AMMECR1: variants seen among roughly 807,000 people sequenced by gnomAD.
AMMECR1 encodes the protein nuclear protein AMMECR1.
In AMMECR1, 3 loss-of-function variants were observed where a neutral mutation model predicts 22.5. The ratio of observed to expected loss-of-function variants is 0.13; its 90% CI spans 0.06 to 0.35. The LOEUF (loss-of-function observed/expected upper bound fraction) is 0.35. AMMECR1 is among the 10% of genes least tolerant of loss of function. The pLI, the probability that AMMECR1 is intolerant of heterozygous loss-of-function variation, is 1.00. For synonymous variants in AMMECR1, 130 were observed against 116.7 expected (o/e 1.11, Z -0.74); for missense variants, 235 against 278.7 (o/e 0.84, Z 1.12).
chrX:110,348,502 C>T (rs1351189483), intron 2 of AMMECR1, among the ~76,000 whole-genome samples: 3 of 112,041 alleles, frequency 2.7e-5, no homozygotes, highest in African/African-American at 9.7e-5. Flanking sequence ...TAAACACAGG[C>T]TTTGAGAGAA....
chrX:110,302,353 TG>T (rs1490793148), intron 1 of AMMECR1, among the ~76,000 whole-genome samples: 1 of 110,653 alleles, frequency 9.0e-6, no homozygotes, highest in Non-Finnish European at 1.9e-5. Context: ...AAAAAAAACT[TG>T]GAAGTCATAA....
intron 2 of AMMECR1, among the ~76,000 whole-genome samples, chrX:110,375,121 T>C (rs2068367406): frequency 9.0e-6 from 1 of 111,433 alleles, no homozygotes; most frequent in Non-Finnish European, 1.9e-5. Context: ...GGTGACTTGA[T>C]GTTAAACTGC....
intron 2 of AMMECR1, among the ~76,000 whole-genome samples, chrX:110,392,916 C>A (rs778080466): frequency 8.9e-6 from 1 of 111,936 alleles, no homozygotes; most frequent in Non-Finnish European, 1.9e-5. Flanking sequence ...TTTGAGCTGG[C>A]GTTGTGAGTT....
At chrX:110,395,115 C>T (rs1189789695) in intron 2 of AMMECR1, among the ~76,000 whole-genome samples, 1 of 112,608 alleles carries the variant, frequency 8.9e-6, no homozygotes, top group Non-Finnish European at 1.9e-5. Flanking sequence ...GTTTCAGGGG[C>T]TGCTTTGTGG....
chrX:110,217,502 TACAC>T (rs759487797), intron 2 of AMMECR1, among the ~76,000 whole-genome samples: 2,450 of 88,510 alleles, frequency 0.028, 41 homozygotes, highest in African/African-American at 0.054. Context: ...GAATAGAAAA[TACAC>T]ACACACACAC....
intron 2 of AMMECR1, among the ~76,000 whole-genome samples, chrX:110,227,646 T>C (rs2067540652): frequency 9.0e-6 from 1 of 111,662 alleles, no homozygotes; most frequent in Non-Finnish European, 1.9e-5. Context: ...AAGAAGGACA[T>C]GAAAGAACAG....
intron 2 of AMMECR1, among the ~76,000 whole-genome samples, chrX:110,398,233 C>T (rs780358961): frequency 3.6e-5 from 4 of 112,075 alleles, no homozygotes; most frequent in Non-Finnish European, 5.6e-5. Flanking sequence ...CAGGTGAACC[C>T]GCTGGCACCA....
chrX:110,347,152 T>C (rs1057438738), intron 2 of AMMECR1, among the ~76,000 whole-genome samples: 18 of 113,234 alleles, frequency 1.6e-4, no homozygotes, highest in Admixed American at 1.5e-3. Flanking sequence ...AAATAAATTT[T>C]CAGACATTTT....
chrX:110,430,553 T>C, intron 1 of AMMECR1, among the ~76,000 whole-genome samples: 1 of 111,795 alleles, frequency 8.9e-6, no homozygotes, highest in Non-Finnish European at 1.9e-5. Flanking sequence ...CACCTTGTAT[T>C]GGAGAAGAGG....
intron 2 of AMMECR1, among the ~76,000 whole-genome samples, chrX:110,381,429 G>A (rs1321452555): frequency 1.8e-5 from 2 of 111,829 alleles, no homozygotes; most frequent in Admixed American, 9.5e-5. Flanking sequence ...AACAGCAGAT[G>A]TTGAAGAGGT....
intron 2 of AMMECR1, among the ~76,000 whole-genome samples, chrX:110,377,182 T>A (rs776707242): frequency 5.4e-5 from 6 of 111,952 alleles, no homozygotes; most frequent in African/African-American, 1.9e-4. Context: ...GCTAGTTGAG[T>A]GTTTTACCCA....
intron 2 of AMMECR1, among the ~76,000 whole-genome samples, chrX:110,218,164 A>G (rs2067483433): frequency 9.0e-6 from 1 of 111,326 alleles, no homozygotes; most frequent in Admixed American, 9.6e-5. Flanking sequence ...AGCCAAGATA[A>G]AGACGTGTGT....
At chrX:110,339,224 A>G (rs1379080304) in intron 2 of AMMECR1, among the ~76,000 whole-genome samples, 1 of 111,088 alleles carries the variant, frequency 9.0e-6, no homozygotes, top group Non-Finnish European at 1.9e-5. Context: ...ATCACCTGAT[A>G]TTGAGAAACA....
chrX:110,345,790 T>C (rs2068186594), intron 2 of AMMECR1, among the ~76,000 whole-genome samples: 2 of 112,171 alleles, frequency 1.8e-5, no homozygotes, highest in Admixed American at 1.9e-4. Context: ...ACAAAATTTG[T>C]ACTATTAGCA....
chrX:110,427,123 T>G (rs1223361979), intron 1 of AMMECR1, among the ~76,000 whole-genome samples: 1 of 111,813 alleles, frequency 8.9e-6, no homozygotes, highest in Non-Finnish European at 1.9e-5. Flanking sequence ...TGCCAGGGCT[T>G]TAGTTCAGGA....
chrX:110,328,461 G>T (rs1200945044), intron 2 of AMMECR1, among the ~76,000 whole-genome samples: 6 of 80,662 alleles, frequency 7.4e-5, no homozygotes, highest in South Asian at 5.5e-4. Flanking sequence ...TTAGATGTTT[G>T]ACTCTTTTTT....
rs748061275 is a variant in AMMECR1 at position 110,284,664 on chromosome X, G to T, written c.474-20065C>A. ...GAATGTGATCTAGGTGAAGCCAGAA[G>T]ACAAAATTAGCCCACTCTTAAAATT... On this transcript the variant is annotated intron_variant, in intron 1 of 5. Coordinates refer to ENST00000262844, the MANE Select transcript of AMMECR1 (RefSeq NM_015365.3). Among the ~76,000 whole-genome samples the T allele has an allele frequency of 2.7e-5, 3 of 111,919 alleles. No individual in the cohort carries two copies. The East Asian group carries it at 8.4e-4, about 31-fold the overall frequency.
intron 2 of AMMECR1, among the ~76,000 whole-genome samples, chrX:110,324,648 GTT>G (rs771995443): frequency 4.7e-5 from 4 of 84,451 alleles, no homozygotes. Flanking sequence ...TTTGTTGAGT[GTT>G]TTTTTTTTTT....
At chrX:110,387,124 A>G (rs2068461320) in intron 2 of AMMECR1, among the ~76,000 whole-genome samples, 1 of 111,894 alleles carries the variant, frequency 8.9e-6, no homozygotes, top group East Asian at 2.8e-4. Flanking sequence ...AATACTAAAC[A>G]AAGACTTGGA....
Sources: allele counts gnomAD v4.1 joint callset (sites outside exome capture counted in the v4.1 genomes callset), GRCh38; gene constraint gnomAD v4.1.1; transcripts MANE v1.5; gene names NCBI Gene and HGNC (gene_info 2026-07-23, HGNC 2026-07-21).